Variants in TAS2R1 observed in about 807,000 individuals in gnomAD.
TAS2R1 encodes taste receptor type 2 member 1.
For missense variants in TAS2R1, 370 were observed against 353.4 expected, an observed-to-expected ratio of 1.05 and a Z score of -0.38; for synonymous variants, 141 against 134.2, an observed-to-expected ratio of 1.05 and a Z score of -0.35.
the TAS2R1 span, among the ~76,000 whole-genome samples, chr5:9,760,527 C>T: frequency 3.3e-5 from 5 of 152,302 alleles, no homozygotes; most frequent in South Asian, 6.2e-4. Flanking sequence ...GTATGCAAGG[C>T]TGTTTCAACA....
chr5:9,822,443 G>T, the TAS2R1 span, among the ~76,000 whole-genome samples: 2 of 148,388 alleles, frequency 1.3e-5, no homozygotes, highest in Non-Finnish European at 3.0e-5. Context: ...TCCACCTCCC[G>T]GATTCAAGCA....
At chr5:9,670,062 G>T (rs1164281948) in intron 1 of TAS2R1, among the ~76,000 whole-genome samples, 2 of 151,922 alleles carry the variant, frequency 1.3e-5, no homozygotes, top group African/African-American at 2.4e-5. Flanking sequence ...GAAATAAAAA[G>T]GGGCTACTAC....
chr5:9,767,551 T>C, the TAS2R1 span, among the ~76,000 whole-genome samples: 3 of 152,214 alleles, frequency 2.0e-5, no homozygotes, highest in African/African-American at 7.2e-5. Flanking sequence ...CAGCAAGCAC[T>C]GCCTCACTGG....
chr5:9,861,037 G>GTTTTTTTTTTGTTTTTTTTT, the TAS2R1 span, among the ~76,000 whole-genome samples: 6 of 88,610 alleles, frequency 6.8e-5, 1 homozygote, highest in Admixed American at 2.8e-4. Context: ...GGAAGATGAG[G>GTTTTTTTTTTGTTTTTTTTT]TTTTTTTTTT....
At chr5:9,726,367 G>A in the TAS2R1 span, among the ~76,000 whole-genome samples, 2 of 152,154 alleles carry the variant, frequency 1.3e-5, no homozygotes, top group Non-Finnish European at 2.9e-5. Context: ...ACAGACCACT[G>A]GGCTCTACCA....
At chr5:9,641,468 C>T (rs1456219141) in intron 2 of TAS2R1, 1 of 152,194 alleles carries the variant, frequency 6.6e-6, no homozygotes, top group Non-Finnish European at 1.5e-5. Context: ...GCCAAAGATT[C>T]ACCGTTCCTC....
At chr5:9,684,199 A>G (rs1056707773) in intron 1 of TAS2R1, among the ~76,000 whole-genome samples, 5 of 152,250 alleles carry the variant, frequency 3.3e-5, no homozygotes. Flanking sequence ...ATATGTATAC[A>G]ATGGAATACT....
At chr5:9,869,984 G>A in the TAS2R1 span, 1 of 152,180 alleles carries the variant, frequency 6.6e-6, no homozygotes, top group Non-Finnish European at 1.5e-5. Context: ...TTTATTTGTT[G>A]TTTTACCATG....
chr5:9,781,271 G>T, the TAS2R1 span, among the ~76,000 whole-genome samples: 2 of 152,074 alleles, frequency 1.3e-5, no homozygotes, highest in African/African-American at 4.8e-5. Context: ...TTCCTGTCCT[G>T]CAGTCTGAAA....
At chr5:9,827,882 T>C in the TAS2R1 span, among the ~76,000 whole-genome samples, 6 of 152,224 alleles carry the variant, frequency 3.9e-5, no homozygotes, top group African/African-American at 1.4e-4. Flanking sequence ...TCCAAGTTTA[T>C]GTACTTATAT....
At chr5:9,768,954 T>C in the TAS2R1 span, among the ~76,000 whole-genome samples, 1 of 152,198 alleles carries the variant, frequency 6.6e-6, no homozygotes, top group East Asian at 1.9e-4. Context: ...TTTCAAAATA[T>C]ACAATAAATT....
the TAS2R1 span, among the ~76,000 whole-genome samples, chr5:9,744,924 A>G: frequency 1.3e-5 from 2 of 152,210 alleles, no homozygotes; most frequent in South Asian, 2.1e-4. Context: ...TACCTGTTCA[A>G]AGTTTAAAAC....
chr5:9,633,581 C>G (rs959785889), upstream of TAS2R1, among the ~76,000 whole-genome samples: 1 of 151,774 alleles, frequency 6.6e-6, no homozygotes, highest in African/African-American at 2.4e-5. Flanking sequence ...TAAATGTGTT[C>G]CCTTTATACC....
chr5:9,677,098 C>A (rs942751028), intron 1 of TAS2R1, among the ~76,000 whole-genome samples: 1 of 152,160 alleles, frequency 6.6e-6, no homozygotes, highest in African/African-American at 2.4e-5. Flanking sequence ...AGATCATGTA[C>A]TTTGTGGGAA....
At chr5:9,873,115 G>A in the TAS2R1 span, among the ~76,000 whole-genome samples, 29 of 152,304 alleles carry the variant, frequency 1.9e-4, 1 homozygote, top group East Asian at 5.4e-3. Flanking sequence ...TAAATAACAT[G>A]TCCTGAGTTT....
chr5:9,780,996 C>T, the TAS2R1 span, among the ~76,000 whole-genome samples: 1 of 152,200 alleles, frequency 6.6e-6, no homozygotes, highest in East Asian at 1.9e-4. Context: ...CCAGCTCCCA[C>T]AATTGTGTGA....
the TAS2R1 span, among the ~76,000 whole-genome samples, chr5:9,758,783 T>C: frequency 6.6e-6 from 1 of 152,152 alleles, no homozygotes; most frequent in Non-Finnish European, 1.5e-5. Flanking sequence ...CGGCAGCCCA[T>C]GAGGTGCACT....
the TAS2R1 span, among the ~76,000 whole-genome samples, chr5:9,838,624 G>C: frequency 0.059 from 9,037 of 152,272 alleles, 637 homozygotes; most frequent in East Asian, 0.23. Flanking sequence ...CAGTTATGAA[G>C]ATGGAATAAA....
chr5:9,881,771 T>C, the TAS2R1 span, among the ~76,000 whole-genome samples: 1 of 152,176 alleles, frequency 6.6e-6, no homozygotes, highest in Non-Finnish European at 1.5e-5. Flanking sequence ...GATTTCCTAT[T>C]TAATAAATGA....
Sources: allele counts gnomAD v4.1 joint callset (sites outside exome capture counted in the v4.1 genomes callset), GRCh38; gene constraint gnomAD v4.1.1; transcripts MANE v1.5; gene names NCBI Gene and HGNC (gene_info 2026-07-23, HGNC 2026-07-21).